The following SYT1 variants were observed in gnomAD, a reference collection of about 807,000 sequenced individuals.
The protein encoded by SYT1 is synaptotagmin 1.
In SYT1, 8 loss-of-function variants were observed where a neutral mutation model predicts 44.8. The ratio of observed to expected loss-of-function variants is 0.18; its 90% CI spans 0.10 to 0.32. The LOEUF (loss-of-function observed/expected upper bound fraction) is 0.32, where lower values mean the gene tolerates loss of function less well. SYT1 is among the 10% of genes least tolerant of loss of function. SYT1 has a pLI of 1.00. For synonymous variants in SYT1, 154 were observed against 188.8 expected (o/e 0.82, Z 1.51); for missense variants, 286 against 509.3 (o/e 0.56, Z 4.22).
intron 4 of SYT1, among the ~76,000 whole-genome samples, chr12:79,268,550 A>G (rs1207477061): frequency 1.3e-5 from 2 of 152,258 alleles, no homozygotes; most frequent in African/African-American, 2.4e-5. Flanking sequence ...TCTCTCTTCT[A>G]GATTACTGTT....
intron 3 of SYT1, among the ~76,000 whole-genome samples, chr12:79,179,267 T>G (rs11610129): frequency 8.5e-6 from 1 of 117,896 alleles, no homozygotes; most frequent in East Asian, 2.3e-4. Context: ...TATAGATATA[T>G]AGATATAGAT....
chr12:79,022,307 G>C (rs979860483), intron 2 of SYT1, among the ~76,000 whole-genome samples: 8 of 151,810 alleles, frequency 5.3e-5, no homozygotes, highest in Non-Finnish European at 1.2e-4. Flanking sequence ...TTCAAACTCA[G>C]TATTGTTACT....
chr12:79,411,433 A>T (rs1868421617), intron 9 of SYT1, among the ~76,000 whole-genome samples: 1 of 152,142 alleles, frequency 6.6e-6, no homozygotes, highest in South Asian at 2.1e-4. Flanking sequence ...TGCTAAAACT[A>T]AGGGAAGGAG....
chr12:78,932,885 G>A (rs566747751), intron 1 of SYT1, among the ~76,000 whole-genome samples: 7 of 152,112 alleles, frequency 4.6e-5, no homozygotes, highest in South Asian at 4.2e-4. Flanking sequence ...AATTATAGGC[G>A]CATAAATTCT....
chr12:78,905,453 T>C (rs12310582), intron 1 of SYT1, among the ~76,000 whole-genome samples: 57,752 of 151,980 alleles, frequency 0.38, 14,517 homozygotes, highest in African/African-American at 0.72. Context: ...AGGAAAACAG[T>C]TGTAATAGTA....
At chr12:78,867,353 A>T (rs1215556013) in intron 1 of SYT1, among the ~76,000 whole-genome samples, 2 of 152,106 alleles carry the variant, frequency 1.3e-5, no homozygotes, top group Non-Finnish European at 2.9e-5. Flanking sequence ...TAGAAATAAC[A>T]TCTAAAAATA....
At chr12:79,004,753 T>C (rs186302497) in intron 2 of SYT1, among the ~76,000 whole-genome samples, 24 of 152,016 alleles carry the variant, frequency 1.6e-4, no homozygotes, top group Admixed American at 4.6e-4. Flanking sequence ...ACAACAACAT[T>C]ATCAAGAAAA....
chr12:79,195,131 C>T (rs893878806), intron 3 of SYT1, among the ~76,000 whole-genome samples: 2 of 152,170 alleles, frequency 1.3e-5, no homozygotes, highest in East Asian at 1.9e-4. Flanking sequence ...GAAATCTGCT[C>T]TCTAGTTGCT....
At chr12:79,260,610 GT>G (rs1877775776) in intron 4 of SYT1, among the ~76,000 whole-genome samples, 1 of 152,020 alleles carries the variant, frequency 6.6e-6, no homozygotes, top group South Asian at 2.1e-4. Flanking sequence ...CCTTTCCCAG[GT>G]TTGAACTTTC....
chr12:79,048,485 A>T (rs1874237163), intron 3 of SYT1, among the ~76,000 whole-genome samples: 1 of 151,892 alleles, frequency 6.6e-6, no homozygotes, highest in South Asian at 2.1e-4. Flanking sequence ...AAAGGCAGAG[A>T]AAACACATTT....
At chr12:78,920,340 T>C (rs978257730) in intron 1 of SYT1, among the ~76,000 whole-genome samples, 14 of 151,984 alleles carry the variant, frequency 9.2e-5, no homozygotes, top group Non-Finnish European at 1.5e-4. Flanking sequence ...CTGGGTTGTC[T>C]TATGAGCTAA....
chr12:79,372,010 C>T (rs945057825), intron 9 of SYT1, among the ~76,000 whole-genome samples: 1 of 152,152 alleles, frequency 6.6e-6, no homozygotes, highest in Non-Finnish European at 1.5e-5. Context: ...CTGTACATAC[C>T]TTTTCTCATT....
At chr12:79,030,522 G>A (rs1370121674) in intron 2 of SYT1, among the ~76,000 whole-genome samples, 1 of 150,978 alleles carries the variant, frequency 6.6e-6, no homozygotes, top group Non-Finnish European at 1.5e-5. Context: ...GCTCTAATTT[G>A]TATGCATAAA....
intron 3 of SYT1, among the ~76,000 whole-genome samples, chr12:79,106,867 T>G (rs931035409): frequency 6.6e-6 from 1 of 152,050 alleles, no homozygotes; most frequent in Non-Finnish European, 1.5e-5. Flanking sequence ...ACTTTACCTT[T>G]AATCATAGTA....
chr12:78,917,439 C>T (rs1205924608), intron 1 of SYT1, among the ~76,000 whole-genome samples: 2 of 151,866 alleles, frequency 1.3e-5, no homozygotes, highest in African/African-American at 2.4e-5. Context: ...AGAAGGGGAA[C>T]ATCACACACT....
At chr12:79,306,439 A>G (rs1304140918) in intron 8 of SYT1, among the ~76,000 whole-genome samples, 1 of 152,218 alleles carries the variant, frequency 6.6e-6, no homozygotes, top group African/African-American at 2.4e-5. Flanking sequence ...AGGGTCAAGT[A>G]TAGGCTATTA....
chr12:79,115,451 G>T (rs1275129563), intron 3 of SYT1, among the ~76,000 whole-genome samples: 2 of 152,088 alleles, frequency 1.3e-5, no homozygotes, highest in Non-Finnish European at 2.9e-5. Context: ...AATGGCATCT[G>T]AGCAATACAT....
chr12:79,430,379 T>C (rs1275948574), intron 9 of SYT1, among the ~76,000 whole-genome samples: 2 of 152,204 alleles, frequency 1.3e-5, no homozygotes, highest in Admixed American at 1.3e-4. Flanking sequence ...AATTTAAATA[T>C]AACTTTTTTA....
intron 1 of SYT1, among the ~76,000 whole-genome samples, chr12:78,937,004 G>A (rs558426641): frequency 2.0e-5 from 3 of 152,130 alleles, no homozygotes; most frequent in Non-Finnish European, 4.4e-5. Context: ...CCAGGTCCTT[G>A]AGAAAGACAT....
Sources: gnomAD v4.1 joint callset for allele counts (sites outside exome capture counted in the v4.1 genomes callset) on GRCh38, gnomAD v4.1.1 for gene constraint, MANE v1.5 for transcripts, NCBI Gene and HGNC (gene_info 2026-07-23, HGNC 2026-07-21) for gene names.